The following MTUS2 variants were observed in gnomAD, a reference collection of about 807,000 sequenced individuals.
MTUS2 encodes microtubule associated scaffold protein 2, also known as microtubule-associated tumor suppressor candidate 2.
In MTUS2, 40 loss-of-function variants were observed where a neutral mutation model predicts 114.1. The observed-to-expected ratio is 0.35, with a 90% CI of 0.27 to 0.46. The LOEUF (loss-of-function observed/expected upper bound fraction) is 0.46. MTUS2 is among the 20% of genes least tolerant of loss of function. The pLI, the probability that MTUS2 is intolerant of heterozygous loss-of-function variation, is 1.00. For missense variants in MTUS2, 1,679 were observed against 1,705.4 expected (o/e 0.98, Z 0.27); for synonymous variants, 688 against 672.0 (o/e 1.02, Z -0.37).
intron 5 of MTUS2, among the ~76,000 whole-genome samples, chr13:29,156,472 A>G (rs561137692): frequency 1.3e-3 from 201 of 152,258 alleles, no homozygotes; most frequent in African/African-American, 4.7e-3. Context: ...TGACATGTTC[A>G]TTACAAGCAA....
intron 2 of MTUS2, among the ~76,000 whole-genome samples, chr13:28,926,533 A>G (rs1216867966): frequency 2.0e-5 from 3 of 152,220 alleles, no homozygotes; most frequent in Non-Finnish European, 4.4e-5. Context: ...AATTTTAATT[A>G]AGTAAATTCC....
rs1883185268 is a variant in MTUS2 at position 29,505,611 on chromosome 13, G to C, written c.*2405G>C. On this transcript the variant is annotated 3_prime_UTR_variant, in exon 16 of 16. Transcript: ENST00000612955. The stretch of plus-strand genomic sequence containing the variant: ...CATCAGAATTCGGATTTCTCTCCAC[G>C]TGGCGTCTGCCTCTGTCCCCTTCCA... The C allele has an allele frequency of 4.3e-6, 1 of 231,548 alleles. No individual in the cohort carries two copies. The highest frequency in any genetic ancestry group is 1.8e-4 in the South Asian group (1 of 5,518). 14.3% of individuals were successfully genotyped at this position (231,548 alleles called of 1,614,324 possible).
intron 2 of MTUS2, among the ~76,000 whole-genome samples, chr13:28,843,302 A>G (rs565060280): frequency 9.2e-4 from 140 of 152,238 alleles, no homozygotes; most frequent in Non-Finnish European, 1.7e-3. Flanking sequence ...AAGTATCTAT[A>G]TCATTGAAAT....
intron 2 of MTUS2, among the ~76,000 whole-genome samples, chr13:28,972,965 T>G (rs1883921462): frequency 6.6e-6 from 1 of 152,134 alleles, no homozygotes; most frequent in Non-Finnish European, 1.5e-5. Flanking sequence ...ATATGAACAT[T>G]TCCTTGCATG....
chr13:29,124,542 A>C lies in MTUS2; in HGVS notation c.2644+23572A>C, dbSNP rs575393150. Among the ~76,000 whole-genome samples, 71 of 152,320 alleles carry C rather than the reference A, an allele frequency of 4.7e-4. No homozygotes were observed. The South Asian group carries it at 0.015, about 31-fold the overall frequency. ...GATGACAATTCCTCAAAAAATTAAA[A>C]GTAGAATTACTGTGTCACCCAGCAA... is the stretch of plus-strand genomic sequence containing the variant. On this transcript the variant is annotated intron_variant, in intron 5 of 15. Coordinates refer to ENST00000612955, the MANE Select transcript of MTUS2 (RefSeq NM_001033602.4).
At chr13:29,019,150 C>T (rs946374268) in intron 2 of MTUS2, among the ~76,000 whole-genome samples, 2 of 152,104 alleles carry the variant, frequency 1.3e-5, no homozygotes, top group African/African-American at 4.8e-5. Flanking sequence ...ACTAACATTT[C>T]AGCGTCATGA....
chr13:29,383,432 G>C (rs1268089521), intron 8 of MTUS2, among the ~76,000 whole-genome samples: 2 of 152,106 alleles, frequency 1.3e-5, no homozygotes, highest in African/African-American at 4.8e-5. Flanking sequence ...CTCCTCTGGA[G>C]GCCCTGCAGC....
chr13:29,024,763 C>T lies in MTUS2; in HGVS notation c.65C>T (p.Ala22Val). The change falls in exon 3 of 16, where the codon GCA becomes GTA. Residue 22 changes from alanine to valine, a missense_variant. Ala to Val is a moderately conservative substitution (Grantham distance 64). Transcript: ENST00000612955. ...CAGTTGCGGGACAACAGAAATGCAG[C>T]AAGAAATAATAATGAAAGCATCTTA... ...YTQLRDNRNA[A>V]RNNNESILSL... The T allele has an allele frequency of 6.2e-7, 1 of 1,613,914 alleles. No homozygotes were observed. The highest frequency in any genetic ancestry group is 8.5e-7 in the Non-Finnish European group (1 of 1,179,884).
intron 2 of MTUS2, among the ~76,000 whole-genome samples, chr13:28,953,873 G>T (rs1411476652): frequency 6.6e-6 from 1 of 152,176 alleles, no homozygotes; most frequent in Non-Finnish European, 1.5e-5. Context: ...AGCCAAAGGT[G>T]TCAGCACCAT....
chr13:29,239,135 G>C (rs1480090225), intron 5 of MTUS2, among the ~76,000 whole-genome samples: 1 of 152,208 alleles, frequency 6.6e-6, no homozygotes, highest in East Asian at 1.9e-4. Flanking sequence ...AAAGGTAGCT[G>C]TGTGAGGTGG....
chr13:29,411,205 G>A (rs970516020), intron 8 of MTUS2, among the ~76,000 whole-genome samples: 1 of 152,118 alleles, frequency 6.6e-6, no homozygotes, highest in African/African-American at 2.4e-5. Context: ...TGGTATTTTT[G>A]TGGTTTTATT....
chr13:29,238,700 T>C (rs1181426111), intron 5 of MTUS2, among the ~76,000 whole-genome samples: 1 of 152,196 alleles, frequency 6.6e-6, no homozygotes, highest in Non-Finnish European at 1.5e-5. Context: ...CCTAGTCCAC[T>C]GATTCAAATG....
intron 8 of MTUS2, among the ~76,000 whole-genome samples, chr13:29,425,250 C>G (rs1366486575): frequency 6.6e-6 from 1 of 152,010 alleles, no homozygotes; most frequent in Admixed American, 6.6e-5. Context: ...CCCATCTCTA[C>G]TAAAATACAA....
At chr13:29,441,456 C>T (rs1877862294) in intron 9 of MTUS2, among the ~76,000 whole-genome samples, 1 of 152,170 alleles carries the variant, frequency 6.6e-6, no homozygotes, top group Non-Finnish European at 1.5e-5. Flanking sequence ...GGGTATCACC[C>T]CAAGCAGCAT....
intron 11 of MTUS2, chr13:29,488,232 T>C: frequency 1.8e-6 from 1 of 541,986 alleles, no homozygotes; most frequent in South Asian, 2.1e-5. Flanking sequence ...CCTTGATGAA[T>C]ACTGGAATTC....
intron 2 of MTUS2, among the ~76,000 whole-genome samples, chr13:28,858,748 G>T (rs1593251293): frequency 6.6e-6 from 1 of 152,322 alleles, no homozygotes; most frequent in East Asian, 1.9e-4. Context: ...AGGGAGTAGG[G>T]TGTATGTTTG....
chr13:28,838,371 G>A (rs906013093), intron 1 of MTUS2, among the ~76,000 whole-genome samples: 1 of 152,168 alleles, frequency 6.6e-6, no homozygotes, highest in Admixed American at 6.5e-5. Context: ...ACATTGTGTT[G>A]GGGTGGTTGT....
At position 29,497,293 on chromosome 13, in the gene MTUS2, G is replaced by C; in HGVS notation, c.3635G>C (p.Arg1212Pro). Residue 1212 changes from arginine (R) to proline (P), a missense_variant, in exon 13 of 16, where the codon CGC becomes CCC. This residue lies in a region of MTUS2 where 822 missense variants were observed against 899.7 expected (regional missense o/e 0.91). Transcript: ENST00000612955. ...QSQSLRDRAR[R>P]FEEALRKNTE... ...CAGTCTCTGCGGGACAGAGCCCGCC[G>C]CTTCGAAGAGGCCTTGAGGAAGAAC... The C allele has an allele frequency of 1.9e-6, 3 of 1,612,150 alleles. No individual in the cohort carries two copies. Among genetic ancestry groups the C allele is most frequent in the Non-Finnish European group, 1.7e-6 (2 of 1,179,946 alleles).
At chr13:29,201,843 C>A (rs1035035631) in intron 5 of MTUS2, among the ~76,000 whole-genome samples, 1 of 152,214 alleles carries the variant, frequency 6.6e-6, no homozygotes, top group Non-Finnish European at 1.5e-5. Flanking sequence ...CCACTCTCTT[C>A]TGGCTTGTAT....
Sources: gnomAD v4.1 joint callset for allele counts (sites outside exome capture counted in the v4.1 genomes callset) on GRCh38, gnomAD v4.1.1 for gene constraint, gnomAD v4.1.1 regional missense constraint, MANE v1.5 for transcripts, NCBI Gene and HGNC (gene_info 2026-07-23, HGNC 2026-07-21) for gene names.